Variants in CACNG5 observed in about 807,000 individuals in gnomAD.
CACNG5 encodes calcium voltage-gated channel auxiliary subunit gamma 5.
In CACNG5, 18 loss-of-function variants were observed where a neutral mutation model predicts 24.8. That is an observed-to-expected ratio of 0.73 (90% CI 0.50 to 1.08). CACNG5 has a LOEUF of 1.08. Among genes scored for constraint, CACNG5 ranks in the 50% least tolerant of loss-of-function variants. The pLI is 0.00. For synonymous variants in CACNG5, 157 were observed against 149.1 expected (o/e 1.05, Z -0.39); for missense variants, 349 against 367.9 (o/e 0.95, Z 0.42).
At chr17:66,856,845 G>A (rs1479820914) in intron 1 of CACNG5, among the ~76,000 whole-genome samples, 7 of 151,656 alleles carry the variant, frequency 4.6e-5, no homozygotes, top group African/African-American at 9.7e-5. Flanking sequence ...ACCTGACCTC[G>A]TGTTGTCCCT....
intron 1 of CACNG5, among the ~76,000 whole-genome samples, chr17:66,848,911 G>A (rs78694480): frequency 0.076 from 11,638 of 152,202 alleles, 555 homozygotes; most frequent in East Asian, 0.13. Flanking sequence ...TGACACAGAC[G>A]CTGAGAGGGG....
rs1403420431 is a variant in CACNG5 at position 66,888,051 on chromosome 17, T to TA, written c.*2818dup. On this transcript the variant is annotated 3_prime_UTR_variant, in exon 6 of 6. Coordinates refer to ENST00000533854, the MANE Select transcript of CACNG5 (RefSeq NM_145811.3). ...TGATCTTTTGTTTCCTCAAGCACTGTAAAAAAATGGGAGGGGTAGACTAAT... is the reference window on the plus strand; with the variant it reads ...TGATCTTTTGTTTCCTCAAGCACTGTAAAAAAAATGGGAGGGGTAGACTAAT... 6.6e-6 allele frequency among the ~76,000 whole-genome samples: 1 copy of TA among 151,892 alleles called. No homozygotes were observed. Among genetic ancestry groups the TA allele is most frequent in the African/African-American group, 2.4e-5 (1 of 41,352 alleles).
At chr17:66,871,017 CTTTA>C (rs1424992380) in intron 1 of CACNG5, among the ~76,000 whole-genome samples, 5 of 151,878 alleles carry the variant, frequency 3.3e-5, no homozygotes, top group African/African-American at 1.2e-4. Context: ...CTTCTGTGTA[CTTTA>C]TTTGTCAAAG....
intron 4 of CACNG5, among the ~76,000 whole-genome samples, chr17:66,880,899 T>G (rs1178963069): frequency 6.6e-6 from 1 of 152,130 alleles, no homozygotes; most frequent in Non-Finnish European, 1.5e-5. Flanking sequence ...CCACCACACC[T>G]GGCTAATTTT....
chr17:66,846,874 C>A (rs994668632), intron 1 of CACNG5, among the ~76,000 whole-genome samples: 3 of 152,214 alleles, frequency 2.0e-5, no homozygotes, highest in Non-Finnish European at 2.9e-5. Flanking sequence ...CATCACTTTA[C>A]GCTCCCACCT....
At chr17:66,858,269 G>T (rs1319996751) in intron 1 of CACNG5, among the ~76,000 whole-genome samples, 4 of 152,124 alleles carry the variant, frequency 2.6e-5, no homozygotes, top group African/African-American at 9.7e-5. Flanking sequence ...TTTCCACCCT[G>T]GGCTCAGCCA....
chr17:66,843,006 T>C (rs1976588445), intron 1 of CACNG5, among the ~76,000 whole-genome samples: 1 of 152,240 alleles, frequency 6.6e-6, no homozygotes, highest in African/African-American at 2.4e-5. Flanking sequence ...AAGAGGCTGA[T>C]GTGTTAGGAC....
chr17:66,858,966 G>A (rs930633397), intron 1 of CACNG5, among the ~76,000 whole-genome samples: 2 of 152,070 alleles, frequency 1.3e-5, no homozygotes, highest in African/African-American at 4.8e-5. Context: ...ACCCTCCAAG[G>A]GCCACCTTCC....
intron 1 of CACNG5, among the ~76,000 whole-genome samples, chr17:66,862,918 G>T (rs1366359808): frequency 6.6e-6 from 1 of 151,386 alleles, no homozygotes; most frequent in African/African-American, 2.4e-5. Flanking sequence ...GTGTGTGTGT[G>T]TGTGTGTGTG....
chr17:66,888,398 G>C lies in CACNG5; in HGVS notation c.*3158G>C, dbSNP rs1201506354. On this transcript the variant is annotated 3_prime_UTR_variant, in exon 6 of 6. Coordinates refer to ENST00000533854, the MANE Select transcript of CACNG5 (RefSeq NM_145811.3). Reference sequence around the variant, plus strand: ...TCTCTACTAAAAATACAAAAAATTAGCTGGGCGTGGTGGTGGGAGCCTGTA... The same window carrying C: ...TCTCTACTAAAAATACAAAAAATTACCTGGGCGTGGTGGTGGGAGCCTGTA... 1.3e-5 allele frequency among the ~76,000 whole-genome samples: 2 copies of C among 151,660 alleles called. No homozygotes were observed. Among genetic ancestry groups the C allele is most frequent in the Non-Finnish European group, 2.9e-5 (2 of 67,886 alleles).
intron 4 of CACNG5, among the ~76,000 whole-genome samples, chr17:66,881,569 T>G (rs9910608): frequency 6.6e-6 from 1 of 151,892 alleles, no homozygotes; most frequent in African/African-American, 2.4e-5. Flanking sequence ...GATGATATCT[T>G]CCAGGCCTTA....
chr17:66,847,704 A>T (rs1976655597), intron 1 of CACNG5, among the ~76,000 whole-genome samples: 1 of 151,884 alleles, frequency 6.6e-6, no homozygotes, highest in South Asian at 2.1e-4. Flanking sequence ...ACCTTCCCCC[A>T]GTCATGGCCC....
In CACNG5 at chr17:66,888,159, C is replaced by G. The variant is rs1343576714; in HGVS notation, c.*2919C>G. Reference sequence around the variant, plus strand: ...GAGAACAATCTGACATTGGTTCCCCCACACCTGGAACTTACTACCCTACTT... The same window carrying G: ...GAGAACAATCTGACATTGGTTCCCCGACACCTGGAACTTACTACCCTACTT... On this transcript the variant is annotated 3_prime_UTR_variant, in exon 6 of 6. Coordinates refer to ENST00000533854, the MANE Select transcript of CACNG5 (RefSeq NM_145811.3). Among the ~76,000 whole-genome samples the G allele has an allele frequency of 6.6e-6, 1 of 151,160 alleles. No individual in the cohort carries two copies. Among genetic ancestry groups the G allele is most frequent in the Non-Finnish European group, 1.5e-5 (1 of 67,928 alleles).
At chr17:66,877,114 G>C in intron 1 of CACNG5, 116 bp from the exon 2 acceptor site, 1 of 525,718 alleles carries the variant, frequency 1.9e-6, no homozygotes, top group Non-Finnish European at 3.4e-6. Context: ...GGGGGAGGGT[G>C]GCACCTCTGT....
At position 66,892,607 on chromosome 17, in the gene CACNG5, G is replaced by A. The variant is rs947115325; in HGVS notation, c.*7367G>A. Among the ~76,000 whole-genome samples, 5 of 152,184 alleles carry A rather than the reference G, an allele frequency of 3.3e-5. No homozygotes were observed. The highest frequency in any genetic ancestry group is 4.8e-5 in the African/African-American group (2 of 41,436). On this transcript the variant is annotated 3_prime_UTR_variant, in exon 6 of 6. Coordinates refer to ENST00000533854, the MANE Select transcript of CACNG5 (RefSeq NM_145811.3). The stretch of plus-strand genomic sequence containing the variant: ...CAATAAAGGAACCACGTATCACAAC[G>A]TTCCCAGCAGACTAACTTGGGCCAA...
At chr17:66,880,964 C>G (rs529571390) in intron 4 of CACNG5, among the ~76,000 whole-genome samples, 2 of 152,304 alleles carry the variant, frequency 1.3e-5, no homozygotes, top group South Asian at 2.1e-4. Context: ...ATCTTGATCT[C>G]CTGAGCTCAA....
At chr17:66,884,794 T>C (rs764607822) in intron 5 of CACNG5, 133 bp downstream of exon 5, 6 of 1,613,214 alleles carry the variant, frequency 3.7e-6, no homozygotes, top group Non-Finnish European at 5.1e-6. Context: ...CTACTTCCCT[T>C]CCTCATCCCA....
At chr17:66,870,084 A>G (rs1308943943) in intron 1 of CACNG5, among the ~76,000 whole-genome samples, 1 of 147,268 alleles carries the variant, frequency 6.8e-6, no homozygotes, top group African/African-American at 2.5e-5. Context: ...ACTCCGTCTC[A>G]AAAAAAAAAA....
chr17:66,872,550 T>A (rs1401652260), intron 1 of CACNG5, among the ~76,000 whole-genome samples: 1 of 152,210 alleles, frequency 6.6e-6, no homozygotes, highest in Non-Finnish European at 1.5e-5. Context: ...GCAGGTAATT[T>A]TCATTTTCTG....
Sources: allele counts gnomAD v4.1 joint callset (sites outside exome capture counted in the v4.1 genomes callset), GRCh38; gene constraint gnomAD v4.1.1; transcripts MANE v1.5; gene names NCBI Gene and HGNC (gene_info 2026-07-23, HGNC 2026-07-21).